The following UBR3 variants were observed in gnomAD, a reference collection of about 807,000 sequenced individuals.
The protein encoded by UBR3 is ubiquitin protein ligase E3 component n-recognin 3, also known as E3 ubiquitin-protein ligase UBR3.
In UBR3, 85 loss-of-function variants were observed where a neutral mutation model predicts 243.2. The observed-to-expected ratio is 0.35, with a 90% CI of 0.29 to 0.42. The LOEUF (loss-of-function observed/expected upper bound fraction) is 0.42. Ranked by LOEUF, UBR3 falls within the 10% of genes least tolerant of loss-of-function variation. The pLI, the probability that UBR3 is intolerant of heterozygous loss-of-function variation, is 1.00. For synonymous variants in UBR3, 748 were observed against 799.8 expected (o/e 0.94, Z 1.09); for missense variants, 1,686 against 2,300.8 (o/e 0.73, Z 5.47).
At chr2:169,982,682 T>G (rs1327705957) in intron 24 of UBR3, among the ~76,000 whole-genome samples, 1 of 152,154 alleles carries the variant, frequency 6.6e-6, no homozygotes, top group East Asian at 1.9e-4. Flanking sequence ...CTTTAAATAT[T>G]AGTTTTCATG....
chr2:169,874,288 C>T (rs1443680354), intron 2 of UBR3, among the ~76,000 whole-genome samples: 1 of 152,034 alleles, frequency 6.6e-6, no homozygotes. Context: ...CCTGCCTCAG[C>T]CTCCCAAACA....
intron 1 of UBR3, among the ~76,000 whole-genome samples, chr2:169,841,279 T>G (rs73022467): frequency 0.043 from 6,571 of 152,304 alleles, 164 homozygotes; most frequent in Middle Eastern, 0.068. Context: ...CTGAACACTT[T>G]GCTTAGAGAT....
intron 31 of UBR3, among the ~76,000 whole-genome samples, chr2:170,039,642 A>T (rs893224681): frequency 1.3e-5 from 2 of 152,170 alleles, no homozygotes; most frequent in African/African-American, 4.8e-5. Flanking sequence ...TTGCTGAATG[A>T]TCGAGCCTAA....
intron 11 of UBR3, among the ~76,000 whole-genome samples, chr2:169,915,369 G>A (rs2085422233): frequency 6.6e-6 from 1 of 152,152 alleles, no homozygotes; most frequent in Non-Finnish European, 1.5e-5. Context: ...GAGTAGCTGG[G>A]ATTACAGGTA....
intron 1 of UBR3, among the ~76,000 whole-genome samples, chr2:169,865,827 C>T (rs2083239027): frequency 6.6e-6 from 1 of 152,118 alleles, no homozygotes; most frequent in African/African-American, 2.4e-5. Context: ...TCTAATCTGT[C>T]ACACAGGCCA....
intron 17 of UBR3, among the ~76,000 whole-genome samples, chr2:169,927,631 T>TA: frequency 6.6e-6 from 1 of 151,984 alleles, no homozygotes; most frequent in East Asian, 1.9e-4. Context: ...TTCTTAGACT[T>TA]TAGGGTAGAT....
chr2:169,925,755 A>G lies in UBR3; in HGVS notation c.2151+8A>G, dbSNP rs1223291049. On this transcript the variant is annotated splice_region_variant and intron_variant, in intron 14 of 38. Transcript: ENST00000272793. ...GACATTTACCTGTTACAGGTAAGCC[A>G]GCTAGATAATGCAGATATACTTTAG... 1.0e-5 allele frequency: 16 copies of G among 1,542,052 alleles called. No individual in the cohort carries two copies. Among genetic ancestry groups the G allele is most frequent in the Admixed American group, 2.0e-5 (1 of 49,076 alleles).
chr2:169,936,048 A>T (rs2354243), intron 19 of UBR3, among the ~76,000 whole-genome samples: 148,660 of 152,310 alleles, frequency 0.98, 72,642 homozygotes, highest in Non-Finnish European at 1. Context: ...AAACCAATTT[A>T]TTTATTTTTT....
Position 170,081,908 on chromosome 2 carries a change from T to G in UBR3, c.*65T>G. ...ACGAATTTATTTTTCAACAATAAGC[T>G]TTAACTTAATTTGGGGGATTAACAC... On this transcript the variant is annotated 3_prime_UTR_variant, in exon 39 of 39. Coordinates refer to ENST00000272793, the MANE Select transcript of UBR3 (RefSeq NM_172070.4). The G allele has an allele frequency of 8.6e-7, 1 of 1,157,592 alleles. No homozygotes were observed. Among genetic ancestry groups the G allele is most frequent in the Middle Eastern group, 2.1e-4 (1 of 4,814 alleles). 71.7% of individuals were successfully genotyped at this position (1,157,592 alleles called of 1,614,324 possible). A position where few individuals can be genotyped will look rare whatever the true frequency, so the allele number is the denominator to read the frequency against.
chr2:169,964,201 CAA>C (rs1486859422), intron 24 of UBR3, among the ~76,000 whole-genome samples: 3 of 151,950 alleles, frequency 2.0e-5, no homozygotes, highest in African/African-American at 7.3e-5. Flanking sequence ...TGCATCCCAC[CAA>C]AGATATATAG....
At chr2:170,070,530 G>A (rs1046425031) in intron 35 of UBR3, among the ~76,000 whole-genome samples, 3 of 152,042 alleles carry the variant, frequency 2.0e-5, no homozygotes, top group East Asian at 1.9e-4. Context: ...GATTGGAAAG[G>A]AAGAGGTAAA....
chr2:169,924,037 T>C lies in UBR3; in HGVS notation c.1932+43T>C, dbSNP rs753463173. The C allele has an allele frequency of 3.0e-5, 45 of 1,523,702 alleles. No homozygotes were observed. In the African/African-American group the frequency reaches 5.6e-4, roughly 19 times the overall value. 94.4% of individuals were successfully genotyped at this position (1,523,702 alleles called of 1,614,324 possible). ...CAATTCTGTTCTTTTTTTTTTAATT[T>C]TCAGAAATAAGAATTGAATTAGTAA... On this transcript the variant is annotated intron_variant, in intron 12 of 38. Transcript: ENST00000272793.
Position 169,828,012 on chromosome 2 carries a change from G to C in UBR3, c.505G>C (p.Ala169Pro). The change falls in exon 1 of 39, where the codon GCC becomes CCC. Residue 169 changes from alanine (A) to proline (P), a missense_variant. Physicochemically the swap from Ala to Pro is conservative, Grantham distance 27. Coordinates refer to ENST00000272793, the MANE Select transcript of UBR3 (RefSeq NM_172070.4). ...FNMFRSQAGG[A>P]CDCGDSNVMR... is the part of the protein sequence containing the mutation. ...CATGTTCCGCAGCCAGGCCGGGGGC[G>C]CCTGCGACTGCGGGGACAGCAACGT... 1 of 1,408,866 alleles carries C rather than the reference G, an allele frequency of 7.1e-7. No individual in the cohort carries two copies. The highest frequency in any genetic ancestry group is 9.3e-7 in the Non-Finnish European group (1 of 1,074,786). The allele number at this position is 1,408,866 out of a possible 1,614,324, so 87.3% of individuals were successfully genotyped here.
intron 25 of UBR3, among the ~76,000 whole-genome samples, chr2:169,990,571 G>A (rs758587002): frequency 6.6e-6 from 1 of 151,974 alleles, no homozygotes; most frequent in Non-Finnish European, 1.5e-5. Flanking sequence ...AAGAGTGTAG[G>A]CATTGAGATA....
chr2:169,878,594 A>G lies in UBR3; in HGVS notation c.1038+20A>G. The stretch of plus-strand genomic sequence containing the variant: ...GATGAGGTGAGATTTAAAGTTCAAA[A>G]CTTTTTAAAAAGTACAATTTTGTGC... On this transcript the variant is annotated intron_variant, in intron 5 of 38. Coordinates refer to ENST00000272793, the MANE Select transcript of UBR3 (RefSeq NM_172070.4). 1 of 1,545,836 alleles carries G rather than the reference A, an allele frequency of 6.5e-7. No individual in the cohort carries two copies. The highest frequency in any genetic ancestry group is 1.2e-5 in the South Asian group (1 of 82,172).
At chr2:169,920,535 A>G (rs988958359) in intron 11 of UBR3, among the ~76,000 whole-genome samples, 2 of 152,194 alleles carry the variant, frequency 1.3e-5, no homozygotes, top group Non-Finnish European at 2.9e-5. Flanking sequence ...CCTGGACCTC[A>G]GGGATGGACT....
At chr2:169,850,165 C>A in intron 1 of UBR3, among the ~76,000 whole-genome samples, 1 of 124,274 alleles carries the variant, frequency 8.0e-6, no homozygotes, top group African/African-American at 3.0e-5. Context: ...AGAGTTTGTT[C>A]TAGAGCTTTT....
chr2:169,836,082 T>A (rs2082104267), intron 1 of UBR3, among the ~76,000 whole-genome samples: 1 of 110,560 alleles, frequency 9.0e-6, no homozygotes, highest in Non-Finnish European at 1.9e-5. Context: ...TTTTTTTTTT[T>A]TTTTTTTTTT....
chr2:169,876,002 A>C (rs961688181), intron 3 of UBR3, 53 bp downstream of exon 3: 1 of 1,349,910 alleles, frequency 7.4e-7, no homozygotes, highest in South Asian at 1.9e-5. Flanking sequence ...CTATAATGAT[A>C]AGAAATTGAG....
Sources: allele counts gnomAD v4.1 joint callset (sites outside exome capture counted in the v4.1 genomes callset), GRCh38; gene constraint gnomAD v4.1.1; transcripts MANE v1.5; gene names NCBI Gene and HGNC (gene_info 2026-07-23, HGNC 2026-07-21).